The following MAD1L1 variants were observed in gnomAD, a reference collection of about 807,000 sequenced individuals.
MAD1L1 encodes mitotic arrest deficient 1 like 1.
In MAD1L1, 95 loss-of-function variants were observed where a neutral mutation model predicts 96.9. The ratio of observed to expected loss-of-function variants is 0.98; its 90% CI spans 0.83 to 1.16. MAD1L1 has a LOEUF of 1.16. MAD1L1 is among the 50% of genes most tolerant of loss of function. MAD1L1 has a pLI of 0.00. For synonymous variants in MAD1L1, 473 were observed against 396.6 expected (o/e 1.19, Z -2.29); for missense variants, 1,007 against 954.4 (o/e 1.06, Z -0.73).
chr7:2,160,366 T>C (rs1248496872), intron 10 of MAD1L1, among the ~76,000 whole-genome samples: 2 of 135,986 alleles, frequency 1.5e-5, no homozygotes, highest in Non-Finnish European at 3.1e-5. Context: ...AGAGTCTCAC[T>C]CTGTGGCCCA....
At chr7:2,048,236 C>G (rs1266357975) in intron 12 of MAD1L1, among the ~76,000 whole-genome samples, 1 of 152,238 alleles carries the variant, frequency 6.6e-6, no homozygotes, top group East Asian at 1.9e-4. Context: ...GCTCCAGCAC[C>G]CTAGTCGGGC....
chr7:2,051,519 A>G (rs561382992), intron 12 of MAD1L1, among the ~76,000 whole-genome samples: 63 of 152,244 alleles, frequency 4.1e-4, no homozygotes, highest in African/African-American at 1.5e-3. Flanking sequence ...AGACGTTTCA[A>G]CGTGGTATGT....
chr7:1,856,798 T>C lies in MAD1L1; in HGVS notation c.1999-40570A>G, dbSNP rs1405387807. On this transcript the variant is annotated intron_variant, in intron 18 of 18. Coordinates refer to ENST00000265854, the MANE Select transcript of MAD1L1 (RefSeq NM_001013836.2). ...CCACACGTAACCCAACCCTGGAACG[T>C]GGTCTCGGGCCACAACGGCTGGAGG... Among the ~76,000 whole-genome samples, 6 of 152,140 alleles carry C rather than the reference T, an allele frequency of 3.9e-5. No individual in the cohort carries two copies. The South Asian group carries it at 1.2e-3, about 32-fold the overall frequency.
chr7:2,043,346 C>T (rs764727678), intron 12 of MAD1L1, among the ~76,000 whole-genome samples: 1 of 152,202 alleles, frequency 6.6e-6, no homozygotes, highest in African/African-American at 2.4e-5. Context: ...CCCTCATCCT[C>T]GGTGTCAGGG....
At chr7:2,042,176 C>T (rs1267132828) in intron 12 of MAD1L1, among the ~76,000 whole-genome samples, 1 of 151,794 alleles carries the variant, frequency 6.6e-6, no homozygotes, top group Non-Finnish European at 1.5e-5. Context: ...CACACATACA[C>T]ATGCACACAC....
chr7:2,085,178 C>G (rs1269090329), intron 11 of MAD1L1, among the ~76,000 whole-genome samples: 1 of 152,232 alleles, frequency 6.6e-6, no homozygotes, highest in Non-Finnish European at 1.5e-5. Flanking sequence ...TAACTCCACG[C>G]TCACCTCAAG....
chr7:2,018,862 G>A (rs1159027784), intron 12 of MAD1L1, among the ~76,000 whole-genome samples: 5 of 148,370 alleles, frequency 3.4e-5, no homozygotes, highest in Non-Finnish European at 7.4e-5. Flanking sequence ...CACTCTGCAA[G>A]GGCTCCAAGG....
intron 15 of MAD1L1, among the ~76,000 whole-genome samples, chr7:1,972,395 C>A (rs1221662418): frequency 6.6e-6 from 1 of 152,144 alleles, no homozygotes; most frequent in Non-Finnish European, 1.5e-5. Context: ...CAAGATTATT[C>A]AGATAACCTA....
At chr7:2,074,999 G>A (rs899532780) in intron 11 of MAD1L1, among the ~76,000 whole-genome samples, 2 of 152,220 alleles carry the variant, frequency 1.3e-5, no homozygotes, top group Non-Finnish European at 2.9e-5. Context: ...GGTCACAAGA[G>A]GACGAGCAAA....
chr7:1,958,300 G>A (rs143755692), intron 15 of MAD1L1, among the ~76,000 whole-genome samples: 4 of 152,156 alleles, frequency 2.6e-5, no homozygotes, highest in African/African-American at 9.7e-5. Context: ...CTCCATGGCC[G>A]CAACCGGAAT....
intron 15 of MAD1L1, among the ~76,000 whole-genome samples, chr7:1,973,393 C>T (rs570030048): frequency 1.3e-5 from 2 of 152,274 alleles, no homozygotes; most frequent in African/African-American, 2.4e-5. Flanking sequence ...GGAGTGCGGA[C>T]GTGCACCTGC....
intron 15 of MAD1L1, among the ~76,000 whole-genome samples, chr7:1,961,368 G>A (rs979866034): frequency 1.3e-5 from 2 of 152,186 alleles, no homozygotes; most frequent in East Asian, 1.9e-4. Flanking sequence ...AATCACAACA[G>A]TGCAGTACTG....
intron 17 of MAD1L1, 34 bp from the exon 18 acceptor site, chr7:1,898,424 G>A (rs2128442100): frequency 1.3e-6 from 2 of 1,597,482 alleles, no homozygotes; most frequent in Non-Finnish European, 1.7e-6. Flanking sequence ...AGTGAGTGCG[G>A]CACCAGGCCG....
At chr7:1,850,236 G>C (rs1035758809) in intron 18 of MAD1L1, among the ~76,000 whole-genome samples, 3 of 152,168 alleles carry the variant, frequency 2.0e-5, no homozygotes, top group African/African-American at 4.8e-5. Flanking sequence ...GGAACCGACA[G>C]GCGCCCAGTC....
At chr7:2,211,200 C>T (rs1409695533) in intron 10 of MAD1L1, among the ~76,000 whole-genome samples, 1 of 152,200 alleles carries the variant, frequency 6.6e-6, no homozygotes, top group Non-Finnish European at 1.5e-5. Context: ...CCTCCTCTCC[C>T]TCATCCAGGG....
intron 18 of MAD1L1, among the ~76,000 whole-genome samples, chr7:1,819,242 G>A (rs541409098): frequency 3.9e-5 from 6 of 152,274 alleles, no homozygotes; most frequent in Admixed American, 2.6e-4. Flanking sequence ...AGTAAGACAC[G>A]TTGGCTGTGG....
chr7:1,947,301 C>T (rs1240271072), intron 16 of MAD1L1, among the ~76,000 whole-genome samples: 6 of 152,210 alleles, frequency 3.9e-5, no homozygotes, highest in Admixed American at 6.5e-5. Context: ...GGGAGGGAGG[C>T]GCCTGTCCCC....
chr7:1,837,246 G>A (rs1461633335), intron 18 of MAD1L1, among the ~76,000 whole-genome samples: 6 of 152,184 alleles, frequency 3.9e-5, no homozygotes, highest in Non-Finnish European at 5.9e-5. Context: ...AATTAAAACC[G>A]CAATGAGACG....
At chr7:1,926,136 G>A (rs1789075368) in intron 17 of MAD1L1, among the ~76,000 whole-genome samples, 1 of 152,134 alleles carries the variant, frequency 6.6e-6, no homozygotes, top group South Asian at 2.1e-4. Flanking sequence ...ACAATTCACT[G>A]CTCATACATT....
Sources: allele counts gnomAD v4.1 joint callset (sites outside exome capture counted in the v4.1 genomes callset), GRCh38; gene constraint gnomAD v4.1.1; transcripts MANE v1.5; gene names NCBI Gene and HGNC (gene_info 2026-07-23, HGNC 2026-07-21).